The following ERBB4 variants were observed in gnomAD, a reference collection of about 807,000 sequenced individuals.
ERBB4 encodes receptor tyrosine-protein kinase erbB-4.
A neutral mutation model predicts 158.0 loss-of-function variants in ERBB4; 42 were observed. The ratio of observed to expected loss-of-function variants is 0.27; its 90% CI spans 0.21 to 0.34. The LOEUF (loss-of-function observed/expected upper bound fraction) is 0.34. Ranked by LOEUF, ERBB4 falls within the 10% of genes least tolerant of loss-of-function variation. The pLI is 1.00. For synonymous variants in ERBB4, 583 were observed against 558.7 expected (o/e 1.04, Z -0.61); for missense variants, 1,333 against 1,624.1 (o/e 0.82, Z 3.08).
intron 1 of ERBB4, among the ~76,000 whole-genome samples, chr2:212,352,685 T>C (rs2089302539): frequency 1.3e-5 from 2 of 151,914 alleles, no homozygotes; most frequent in Non-Finnish European, 1.5e-5. Context: ...CTGACCAACA[T>C]GGTGAAACCC....
chr2:212,037,964 G>A (rs970070553), intron 2 of ERBB4, among the ~76,000 whole-genome samples: 18 of 151,968 alleles, frequency 1.2e-4, no homozygotes, highest in Non-Finnish European at 1.8e-4. Context: ...AAAATTAGCC[G>A]TTGTATTTCT....
chr2:211,990,287 G>A (rs924003201), intron 2 of ERBB4, among the ~76,000 whole-genome samples: 1 of 151,906 alleles, frequency 6.6e-6, no homozygotes, highest in Admixed American at 6.6e-5. Flanking sequence ...ATATCTGGGG[G>A]GATTAAGATA....
Position 212,416,793 on chromosome 2 carries a change from T to C in ERBB4, c.82+121656A>G, listed in dbSNP as rs561004056. Among the ~76,000 whole-genome samples, 3 of 152,168 alleles carry C rather than the reference T, an allele frequency of 2.0e-5. No individual in the cohort carries two copies. In the East Asian group the frequency reaches 5.8e-4, roughly 29 times the overall value. ...CACCTCAGTAACAATGACACCTTTATCTTTCACTTATTGGCAAGTTTTATT... is the reference window on the plus strand; with the variant it reads ...CACCTCAGTAACAATGACACCTTTACCTTTCACTTATTGGCAAGTTTTATT... On this transcript the variant is annotated intron_variant, in intron 1 of 27. Coordinates refer to ENST00000342788, the MANE Select transcript of ERBB4 (RefSeq NM_005235.3).
intron 3 of ERBB4, among the ~76,000 whole-genome samples, chr2:211,922,040 A>C (rs1185048854): frequency 4.6e-5 from 7 of 152,104 alleles, no homozygotes; most frequent in African/African-American, 1.4e-4. Flanking sequence ...TGAGGAATAA[A>C]TAGGAGTTGA....
intron 1 of ERBB4, among the ~76,000 whole-genome samples, chr2:212,254,548 C>T (rs556643955): frequency 6.6e-6 from 1 of 152,296 alleles, no homozygotes; most frequent in African/African-American, 2.4e-5. Flanking sequence ...TTTGAACAAA[C>T]CCCCTCAGGG....
chr2:212,144,534 C>T (rs1362680058), intron 1 of ERBB4, among the ~76,000 whole-genome samples: 2 of 152,144 alleles, frequency 1.3e-5, no homozygotes, highest in Non-Finnish European at 2.9e-5. Context: ...CACCATTATC[C>T]TCAACTATTG....
intron 1 of ERBB4, among the ~76,000 whole-genome samples, chr2:212,418,150 A>C (rs1046618544): frequency 6.6e-6 from 1 of 152,000 alleles, no homozygotes; most frequent in Non-Finnish European, 1.5e-5. Context: ...CATTCGGTCT[A>C]TGGTATTTTG....
chr2:212,084,406 A>AT (rs2078539593), intron 2 of ERBB4, among the ~76,000 whole-genome samples: 1 of 151,982 alleles, frequency 6.6e-6, no homozygotes, highest in Non-Finnish European at 1.5e-5. Context: ...GAGGAAAGAA[A>AT]TTCTTTTCAT....
At chr2:212,049,137 A>C (rs2077334593) in intron 2 of ERBB4, among the ~76,000 whole-genome samples, 1 of 152,226 alleles carries the variant, frequency 6.6e-6, no homozygotes, top group African/African-American at 2.4e-5. Flanking sequence ...TAGAAAATTA[A>C]TGCATCCAGT....
chr2:212,505,634 G>C (rs546755469), intron 1 of ERBB4, among the ~76,000 whole-genome samples: 14 of 149,046 alleles, frequency 9.4e-5, no homozygotes, highest in African/African-American at 3.4e-4. Flanking sequence ...AACCTTGACG[G>C]ATGATATAAT....
At chr2:211,989,597 A>G (rs1239368500) in intron 2 of ERBB4, among the ~76,000 whole-genome samples, 3 of 151,808 alleles carry the variant, frequency 2.0e-5, no homozygotes, top group Admixed American at 6.6e-5. Context: ...AAACTCTTTT[A>G]CCAAGACCAC....
intron 19 of ERBB4, among the ~76,000 whole-genome samples, chr2:211,581,140 C>A (rs11679779): frequency 6.6e-6 from 1 of 150,514 alleles, no homozygotes; most frequent in East Asian, 2.0e-4. Context: ...GGGGGTGAAG[C>A]ATACAATACC....
At chr2:212,108,537 C>T (rs539344981) in intron 2 of ERBB4, among the ~76,000 whole-genome samples, 1 of 152,250 alleles carries the variant, frequency 6.6e-6, no homozygotes, top group Non-Finnish European at 1.5e-5. Context: ...TACTTTAAAA[C>T]TCTCCAAGTC....
intron 1 of ERBB4, among the ~76,000 whole-genome samples, chr2:212,532,587 T>G (rs2106346662): frequency 6.6e-6 from 1 of 152,390 alleles, no homozygotes; most frequent in East Asian, 1.9e-4. Flanking sequence ...GACTTTTAGC[T>G]ACACTAATAA....
At chr2:212,279,529 T>A (rs1003115165) in intron 1 of ERBB4, among the ~76,000 whole-genome samples, 1 of 151,630 alleles carries the variant, frequency 6.6e-6, no homozygotes, top group Non-Finnish European at 1.5e-5. Context: ...AAGTTTTCAT[T>A]ATGATTCAAA....
intron 1 of ERBB4, among the ~76,000 whole-genome samples, chr2:212,503,165 T>C (rs975465511): frequency 6.6e-6 from 1 of 152,224 alleles, no homozygotes; most frequent in African/African-American, 2.4e-5. Context: ...CTGTTAGTAA[T>C]GAGAAATAAA....
intron 25 of ERBB4, among the ~76,000 whole-genome samples, chr2:211,410,967 G>C (rs561052777): frequency 7.4e-4 from 113 of 152,304 alleles, no homozygotes; most frequent in African/African-American, 2.5e-3. Context: ...GAAGTACAGT[G>C]GCGTGATCTC....
rs67894136 is a variant in ERBB4, at chr2:211,713,654, TAA to T, written c.884-8_884-7del. 20,867 of 1,219,458 alleles carry T rather than the reference TAA, an allele frequency of 0.017. No homozygotes were observed. The highest frequency in any genetic ancestry group is 0.023 in the South Asian group (1,741 of 75,348). The allele number at this position is 1,219,458 out of a possible 1,614,324, so 75.5% of individuals were successfully genotyped here. A position where few individuals can be genotyped will look rare whatever the true frequency, so the allele number is the denominator to read the frequency against. On this transcript the variant is annotated splice_polypyrimidine_tract_variant and splice_region_variant and intron_variant, in intron 7 of 27. Coordinates refer to ENST00000342788, the MANE Select transcript of ERBB4 (RefSeq NM_005235.3). ...GGAATCTACCACAAAGTTATCTGAT[TAA>T]AAAAAAAAAAAAGGTAAAATAAGCA...
At position 211,788,071 on chromosome 2, in the gene ERBB4, T is replaced by C. The variant is rs1450712101; in HGVS notation, c.510A>G (p.Pro170=). The part of the protein sequence containing the change: ...TIHWQDIVRN[P]WPSNLTLVST... ...ACACAAGAGTCAAGTTGGAAGGCCA[T>C]GGGTTCCGAACAATATCTTGCCAAT... The change falls in exon 4 of 28, where the codon CCA becomes CCG. Residue 170 remains proline, a synonymous_variant. Transcript: ENST00000342788. 2 of 1,613,348 alleles carry C rather than the reference T, an allele frequency of 1.2e-6. No individual in the cohort carries two copies. The highest frequency in any genetic ancestry group is 1.7e-5 in the Admixed American group (1 of 59,994).
Sources: allele counts gnomAD v4.1 joint callset (sites outside exome capture counted in the v4.1 genomes callset), GRCh38; gene constraint gnomAD v4.1.1; transcripts MANE v1.5; gene names NCBI Gene and HGNC (gene_info 2026-07-23, HGNC 2026-07-21).